Variants in KBTBD11 observed in about 807,000 individuals in gnomAD.
The protein encoded by KBTBD11 is kelch repeat and BTB domain-containing protein 11.
For missense variants in KBTBD11, 1,390 were observed against 1,001.8 expected (o/e 1.39, Z -5.23); for synonymous variants, 747 against 499.0 (o/e 1.50, Z -6.63).
chr8:1,986,845 A>C (rs1366919358), intron 1 of KBTBD11, among the ~76,000 whole-genome samples: 2 of 152,062 alleles, frequency 1.3e-5, no homozygotes, highest in African/African-American at 4.8e-5. Flanking sequence ...TCGTTTTGCC[A>C]CTTAGGCTTC....
rs1388240469 is a variant in KBTBD11, at chr8:2,001,920, C to T, written c.728C>T (p.Ala243Val). ...LANCYEVLSA[A>V]KRQRLNELRD... ...AACTGCTACGAGGTCCTGAGCGCGG[C>T]CAAGCGGCAGCGGCTGAACGAGCTG... Residue 243 changes from alanine (A) to valine (V), a missense_variant, in exon 2 of 2, where the codon GCC (alanine) becomes GTC (valine). Coordinates refer to ENST00000320248, the MANE Select transcript of KBTBD11 (RefSeq NM_014867.3). 1.4e-6 allele frequency: 2 copies of T among 1,460,860 alleles called. No homozygotes were observed. Among genetic ancestry groups the T allele is most frequent in the East Asian group, 3.1e-5 (1 of 32,640 alleles). The allele number at this position is 1,460,860 out of a possible 1,614,324, so 90.5% of individuals were successfully genotyped here.
intron 1 of KBTBD11, among the ~76,000 whole-genome samples, chr8:1,991,532 C>T (rs545689700): frequency 8.6e-5 from 13 of 151,342 alleles, no homozygotes; most frequent in Non-Finnish European, 1.8e-4. Context: ...AGCTTTCCCT[C>T]GATTCCAGCT....
chr8:1,992,034 G>A (rs906746133), intron 1 of KBTBD11, among the ~76,000 whole-genome samples: 7 of 152,090 alleles, frequency 4.6e-5, no homozygotes, highest in East Asian at 3.9e-4. Flanking sequence ...GTTGAGGAAC[G>A]TCTAACTTTC....
At chr8:1,992,272 A>C (rs890102815) in intron 1 of KBTBD11, among the ~76,000 whole-genome samples, 2 of 152,108 alleles carry the variant, frequency 1.3e-5, no homozygotes, top group Non-Finnish European at 2.9e-5. Context: ...AGGGTGTTTG[A>C]AGACTGTGTG....
rs1225027068 is a variant in KBTBD11 at position 2,002,101 on chromosome 8, G to C, written c.909G>C (p.Pro303=). Reference sequence around the variant, plus strand: ...ACCTCTTGGCCGCGGCGCTCGGGCCGGCGGGGGAGCGCGCGGGCAGCCGGC... The same window carrying C: ...ACCTCTTGGCCGCGGCGCTCGGGCCCGCGGGGGAGCGCGCGGGCAGCCGGC... ...RAHLLAAALG[P]AGERAGSRPQ... The change falls in exon 2 of 2, where the codon CCG becomes CCC. Residue 303 remains proline (P), a synonymous_variant. Transcript: ENST00000320248. This position sits in a 1 kb window ranked among gnomAD's most constrained non-coding sequence, Gnocchi z 4.1. The C allele has an allele frequency of 5.5e-6, 6 of 1,092,466 alleles. No homozygotes were observed. Among genetic ancestry groups the C allele is most frequent in the African/African-American group, 1.7e-5 (1 of 59,226 alleles). The allele number at this position is 1,092,466 out of a possible 1,614,324, so 67.7% of individuals were successfully genotyped here. A position where few individuals can be genotyped will look rare whatever the true frequency, so the allele number is the denominator to read the frequency against.
At chr8:1,985,497 C>T (rs1158411010) in intron 1 of KBTBD11, among the ~76,000 whole-genome samples, 1 of 152,282 alleles carries the variant, frequency 6.6e-6, no homozygotes, top group African/African-American at 2.4e-5. Context: ...GCAAGCCACA[C>T]ACGGCAGCCT....
rs1457084952 is a variant in KBTBD11, at chr8:2,003,125, G to T, written c.*61G>T. The T allele has an allele frequency of 1.0e-5, 13 of 1,250,840 alleles. No homozygotes were observed. Among genetic ancestry groups the T allele is most frequent in the Non-Finnish European group, 1.3e-5 (13 of 990,704 alleles). The allele number at this position is 1,250,840 out of a possible 1,614,324, so 77.5% of individuals were successfully genotyped here. A position where few individuals can be genotyped will look rare whatever the true frequency, so the allele number is the denominator to read the frequency against. ...GTTTGCGGGGCCCAGGTCCCTTTGG[G>T]CCCGCGGAGGAGGACGTGGTGGGGA... On this transcript the variant is annotated 3_prime_UTR_variant, in exon 2 of 2. Coordinates refer to ENST00000320248, the MANE Select transcript of KBTBD11 (RefSeq NM_014867.3).
intron 1 of KBTBD11, among the ~76,000 whole-genome samples, chr8:1,981,357 T>C (rs7387430): frequency 0.82 from 125,051 of 152,240 alleles, 51,791 homozygotes; most frequent in African/African-American, 0.93. Context: ...AAGTGTAAAA[T>C]TCACTGGTAA....
Position 2,001,189 on chromosome 8 carries a change from G to T in KBTBD11, c.-4G>T. 2 of 1,346,886 alleles carry T rather than the reference G, an allele frequency of 1.5e-6. No individual in the cohort carries two copies. Among genetic ancestry groups the T allele is most frequent in the Non-Finnish European group, 1.9e-6 (2 of 1,048,294 alleles). The allele number at this position is 1,346,886 out of a possible 1,614,324, so 83.4% of individuals were successfully genotyped here. On this transcript the variant is annotated 5_prime_UTR_variant, in exon 2 of 2. Coordinates refer to ENST00000320248, the MANE Select transcript of KBTBD11 (RefSeq NM_014867.3). ...GCGCGGGCGCAGCGCAGCACAGCCCGGCCATGGAGCACGCGGTGGCCCCCT... is the reference window on the plus strand; with the variant it reads ...GCGCGGGCGCAGCGCAGCACAGCCCTGCCATGGAGCACGCGGTGGCCCCCT...
chr8:1,988,542 G>A (rs1467247807), intron 1 of KBTBD11, among the ~76,000 whole-genome samples: 1 of 152,218 alleles, frequency 6.6e-6, no homozygotes, highest in East Asian at 1.9e-4. Flanking sequence ...TTTGAGAAGT[G>A]TCTGTTCATA....
intron 1 of KBTBD11, among the ~76,000 whole-genome samples, chr8:1,985,149 C>T (rs1299053304): frequency 1.3e-5 from 2 of 152,196 alleles, no homozygotes; most frequent in African/African-American, 2.4e-5. Context: ...CACTGGAGAC[C>T]CCCAAAGAGG....
chr8:1,999,678 A>G (rs1363128684), intron 1 of KBTBD11, among the ~76,000 whole-genome samples: 1 of 152,090 alleles, frequency 6.6e-6, no homozygotes, highest in Non-Finnish European at 1.5e-5. Context: ...TCAGGGTTGT[A>G]ATTCTAAGAG....
intron 1 of KBTBD11, among the ~76,000 whole-genome samples, chr8:1,982,831 C>A (rs961390548): frequency 6.6e-6 from 1 of 151,948 alleles, no homozygotes; most frequent in Non-Finnish European, 1.5e-5. Context: ...CAACTTCCAC[C>A]TCCCAGGTTT....
In KBTBD11 at chr8:2,003,188, C is replaced by G. The variant is rs1487467247; in HGVS notation, c.*124C>G. On this transcript the variant is annotated 3_prime_UTR_variant, in exon 2 of 2. Transcript: ENST00000320248. ...GGCCACGCTGGTGGTTTGGACACTT[C>G]GAAGGAGCCCCGAGGACGCTCTCAG... The G allele has an allele frequency of 1.6e-6, 2 of 1,233,634 alleles. No homozygotes were observed. The highest frequency in any genetic ancestry group is 1.0e-6 in the Non-Finnish European group (1 of 977,502). 76.4% of individuals were successfully genotyped at this position (1,233,634 alleles called of 1,614,324 possible). A position where few individuals can be genotyped will look rare whatever the true frequency, so the allele number is the denominator to read the frequency against.
At chr8:1,988,681 A>C (rs973783727) in intron 1 of KBTBD11, among the ~76,000 whole-genome samples, 1 of 152,176 alleles carries the variant, frequency 6.6e-6, no homozygotes, top group African/African-American at 2.4e-5. Context: ...TCCTGAATCC[A>C]TTCAAACGTG....
Position 2,005,242 on chromosome 8 carries a change from C to T in KBTBD11, c.*2178C>T. The T allele has an allele frequency of 6.0e-6, 1 of 167,050 alleles. No individual in the cohort carries two copies. The allele number at this position is 167,050 out of a possible 1,614,324, so 10.3% of individuals were successfully genotyped here. ...GCAAAGCCCCAGGTGCTCCCTGTCACCTCACAACAAAATGCACTAAGAAAC... is the reference window on the plus strand; with the variant it reads ...GCAAAGCCCCAGGTGCTCCCTGTCATCTCACAACAAAATGCACTAAGAAAC... On this transcript the variant is annotated 3_prime_UTR_variant, in exon 2 of 2. Coordinates refer to ENST00000320248, the MANE Select transcript of KBTBD11 (RefSeq NM_014867.3).
Position 1,992,012 on chromosome 8 carries a change from C to T in KBTBD11, c.-908-8273C>T, listed in dbSNP as rs1056849195. ...TGCCAGAGATGGGAGGTCATCTACC[C>T]AAGGGCCTTTAGTTGAGGAACGTCT... is the stretch of plus-strand genomic sequence containing the variant. On this transcript the variant is annotated intron_variant, in intron 1 of 1. Coordinates refer to ENST00000320248, the MANE Select transcript of KBTBD11 (RefSeq NM_014867.3). Among the ~76,000 whole-genome samples, 3 of 152,230 alleles carry T rather than the reference C, an allele frequency of 2.0e-5. No individual in the cohort carries two copies. The South Asian group carries it at 6.2e-4, about 32-fold the overall frequency.
rs1206085026 is a variant in KBTBD11 at position 2,001,201 on chromosome 8, C to T, written c.9C>T (p.His3=). The change falls in exon 2 of 2, where the codon CAC becomes CAT. Residue 3 remains histidine, a synonymous_variant. Transcript: ENST00000320248. ...CGCAGCACAGCCCGGCCATGGAGCA[C>T]GCGGTGGCCCCCTGCGTCCTCTACC... The part of the protein sequence containing the change: ME[H]AVAPCVLYPG... The T allele has an allele frequency of 8.0e-6, 11 of 1,368,572 alleles. No homozygotes were observed. Among genetic ancestry groups the T allele is most frequent in the Non-Finnish European group, 1.0e-5 (11 of 1,058,650 alleles). 84.8% of individuals were successfully genotyped at this position (1,368,572 alleles called of 1,614,324 possible).
chr8:1,999,156 G>A (rs1817253020), intron 1 of KBTBD11, among the ~76,000 whole-genome samples: 1 of 152,056 alleles, frequency 6.6e-6, no homozygotes, highest in Non-Finnish European at 1.5e-5. Flanking sequence ...GAAGACAGAG[G>A]GAGAGAGAGA....
Sources: allele counts gnomAD v4.1 joint callset (sites outside exome capture counted in the v4.1 genomes callset), GRCh38; gene constraint gnomAD v4.1.1; non-coding constraint Gnocchi (gnomAD v3.1); transcripts MANE v1.5; gene names NCBI Gene and HGNC (gene_info 2026-07-23, HGNC 2026-07-21).